ACSM6: variants seen among roughly 807,000 people sequenced by gnomAD.
ACSM6 encodes the protein acyl-CoA synthetase medium chain family member 6.
ACSM6 carries 35 observed loss-of-function variants against 51.1 expected under a neutral mutation model. The ratio of observed to expected loss-of-function variants is 0.69; its 90% CI spans 0.52 to 0.91. The LOEUF is 0.91. ACSM6 is among the 40% of genes least tolerant of loss of function. The pLI is 0.00. For synonymous variants in ACSM6, 172 were observed against 207.3 expected, an observed-to-expected ratio of 0.83 and a Z score of 1.46; for missense variants, 509 against 584.1, an observed-to-expected ratio of 0.87 and a Z score of 1.32.
At chr10:95,213,883 G>A (rs1184911915) in intron 7 of ACSM6, among the ~76,000 whole-genome samples, 7 of 152,116 alleles carry the variant, frequency 4.6e-5, no homozygotes, top group South Asian at 2.1e-4. Flanking sequence ...CAATACCACC[G>A]TATTAAATTA....
intron 9 of ACSM6, among the ~76,000 whole-genome samples, chr10:95,221,415 C>T (rs978658960): frequency 7.9e-5 from 12 of 151,956 alleles, no homozygotes; most frequent in African/African-American, 2.4e-4. Flanking sequence ...GGTGAAACCC[C>T]GTCTTTACAA....
intron 5 of ACSM6, among the ~76,000 whole-genome samples, 195 bp downstream of exon 5, chr10:95,210,988 C>G (rs574724751): frequency 1.3e-5 from 2 of 152,078 alleles, no homozygotes; most frequent in South Asian, 2.1e-4. Context: ...TAAGAGTAAG[C>G]AGGAGGGAAA....
At chr10:95,210,903 AGTGTC>A in intron 5 of ACSM6, 110 bp downstream of exon 5, 1 of 1,295,628 alleles carries the variant, frequency 7.7e-7, no homozygotes, top group Non-Finnish European at 1.0e-6. Flanking sequence ...GACTGCAGAA[AGTGTC>A]AATATTGAGA....
intron 8 of ACSM6, among the ~76,000 whole-genome samples, chr10:95,219,596 T>G (rs771944296): frequency 4.4e-4 from 67 of 152,316 alleles, no homozygotes; most frequent in African/African-American, 1.6e-3. Flanking sequence ...TCTTTTTTCC[T>G]TGAATTTGTT....
At chr10:95,224,596 C>A (rs981959106) in intron 9 of ACSM6, among the ~76,000 whole-genome samples, 5 of 152,030 alleles carry the variant, frequency 3.3e-5, no homozygotes, top group Non-Finnish European at 5.9e-5. Context: ...GACAGGGTTT[C>A]TCCATGTTGG....
intron 2 of ACSM6, among the ~76,000 whole-genome samples, chr10:95,199,232 C>T (rs1453833407): frequency 6.6e-6 from 1 of 152,100 alleles, no homozygotes; most frequent in South Asian, 2.1e-4. Flanking sequence ...ACAAACCTGA[C>T]AAAAACAAGA....
chr10:95,208,898 C>T (rs142696013), intron 4 of ACSM6, among the ~76,000 whole-genome samples: 295 of 106,596 alleles, frequency 2.8e-3, no homozygotes, highest in African/African-American at 0.011. Context: ...TCAATGTGGT[C>T]TTTAGAGGGC....
At chr10:95,211,855 A>G in intron 5 of ACSM6, 23 bp from the exon 6 acceptor site, 1 of 1,570,288 alleles carries the variant, frequency 6.4e-7, no homozygotes, top group Non-Finnish European at 8.6e-7. Context: ...GAGAATTCAA[A>G]TGGCTTTCCT....
At position 95,212,053 on chromosome 10, in the gene ACSM6, G is replaced by A; in HGVS notation, c.912+19G>A. On this transcript the variant is annotated intron_variant, in intron 6 of 10. Coordinates refer to ENST00000341686, the Ensembl canonical transcript of ACSM6. ...TCTAAATGTAAGATCAATTCCTAGT[G>A]TGGAATGTGTGGGACAAAGGCCAGA... is the stretch of plus-strand genomic sequence containing the variant. 2 of 1,613,684 alleles carry A rather than the reference G, an allele frequency of 1.2e-6. No individual in the cohort carries two copies. The highest frequency in any genetic ancestry group is 1.7e-6 in the Non-Finnish European group (2 of 1,179,708).
rs374823040 is a variant in ACSM6 at position 95,227,113 on chromosome 10, A to C, written c.1303-1531A>C. On this transcript the variant is annotated intron_variant, in intron 10 of 10. Coordinates refer to ENST00000341686, the Ensembl canonical transcript of ACSM6. ...GCGATTCTACTGCCTCAGCCTCATG[A>C]GTAGCTGGGATTACCAGCTCTCACC... 2.1e-4 allele frequency among the ~76,000 whole-genome samples: 32 copies of C among 151,956 alleles called. 1 individual carries two copies. In the East Asian group the frequency reaches 5.2e-3, roughly 25 times the overall value.
intron 8 of ACSM6, among the ~76,000 whole-genome samples, chr10:95,218,721 T>C (rs1335215602): frequency 6.6e-6 from 1 of 152,212 alleles, no homozygotes; most frequent in Non-Finnish European, 1.5e-5. Flanking sequence ...ACCTGAGACA[T>C]TTGTTCATGC....
At chr10:95,217,805 C>T (rs1197548678) in intron 8 of ACSM6, among the ~76,000 whole-genome samples, 2 of 152,182 alleles carry the variant, frequency 1.3e-5, no homozygotes, top group Non-Finnish European at 2.9e-5. Flanking sequence ...CAGGAAACAT[C>T]CTCACTTAGA....
chr10:95,201,910 G>A (rs2034797287), intron 2 of ACSM6, 75 bp from the exon 3 acceptor site: 1 of 1,310,832 alleles, frequency 7.6e-7, no homozygotes, highest in South Asian at 1.3e-5. Context: ...TGAGGGTGCT[G>A]TCTGGCAACA....
Position 95,212,838 on chromosome 10 carries a change from T to G in ACSM6, c.913-20T>G. The G allele has an allele frequency of 6.3e-7, 1 of 1,593,998 alleles. No homozygotes were observed. Among genetic ancestry groups the G allele is most frequent in the Non-Finnish European group, 8.6e-7 (1 of 1,161,728 alleles). On this transcript the variant is annotated intron_variant, in intron 6 of 10. Transcript: ENST00000341686. ...CCCACCTCACATGCAGATTTTGTTT[T>G]TCCTTCCTTTGGGGCCCAGGTCCTG...
intron 9 of ACSM6, among the ~76,000 whole-genome samples, chr10:95,221,314 T>A (rs1306760716): frequency 6.6e-6 from 1 of 152,086 alleles, no homozygotes; most frequent in Non-Finnish European, 1.5e-5. Context: ...AAGCCAGGTG[T>A]GGTGGTGCAT....
At chr10:95,214,737 A>G (rs1228990599) in intron 7 of ACSM6, 115 bp from the exon 8 acceptor site, 81 of 1,215,512 alleles carry the variant, frequency 6.7e-5, no homozygotes, top group Non-Finnish European at 8.6e-5. Context: ...CCACCACTTA[A>G]TGAGCATTTC....
chr10:95,207,174 T>C, intron 3 of ACSM6, 34 bp from the exon 4 acceptor site: 1 of 1,595,532 alleles, frequency 6.3e-7, no homozygotes, highest in South Asian at 1.1e-5. Context: ...ACTCAAAAGA[T>C]AAAAATGAAG....
intron 2 of ACSM6, among the ~76,000 whole-genome samples, chr10:95,200,401 G>A: frequency 6.6e-6 from 1 of 151,518 alleles, no homozygotes; most frequent in East Asian, 1.9e-4. Context: ...AATGCTGAAT[G>A]ACGAGTTAAT....
chr10:95,224,271 A>G (rs2035018915), intron 9 of ACSM6, among the ~76,000 whole-genome samples: 1 of 152,312 alleles, frequency 6.6e-6, no homozygotes, highest in East Asian at 1.9e-4. Context: ...ATGAGTACGC[A>G]TATTGCTTTC....
Sources: allele counts gnomAD v4.1 joint callset (sites outside exome capture counted in the v4.1 genomes callset), GRCh38; gene constraint gnomAD v4.1.1; transcripts MANE v1.5; gene names NCBI Gene and HGNC (gene_info 2026-07-23, HGNC 2026-07-21).